The following RNF150 variants were observed in gnomAD, a reference collection of about 807,000 sequenced individuals.
The protein encoded by RNF150 is ring finger protein 150.
In RNF150, 24 loss-of-function variants were observed where a neutral mutation model predicts 39.3. The observed-to-expected ratio is 0.61, with a 90% CI of 0.44 to 0.86. The LOEUF (loss-of-function observed/expected upper bound fraction) is 0.86. RNF150 is among the 40% of genes least tolerant of loss of function. RNF150 has a pLI of 0.00. For missense variants in RNF150, 502 were observed against 587.8 expected, an observed-to-expected ratio of 0.85 and a Z score of 1.51; for synonymous variants, 255 against 227.3, an observed-to-expected ratio of 1.12 and a Z score of -1.10.
chr4:141,139,666 C>T (rs940759966), intron 1 of RNF150, among the ~76,000 whole-genome samples: 2 of 152,188 alleles, frequency 1.3e-5, no homozygotes, highest in African/African-American at 2.4e-5. Flanking sequence ...TACATGCAGG[C>T]ACTATTTGTT....
intron 6 of RNF150, among the ~76,000 whole-genome samples, chr4:140,891,974 C>A (rs890972068): frequency 4.6e-5 from 7 of 152,148 alleles, no homozygotes; most frequent in African/African-American, 1.7e-4. Flanking sequence ...CACCGTCCCC[C>A]CAACCACCTC....
intron 1 of RNF150, among the ~76,000 whole-genome samples, chr4:141,081,369 G>C (rs1738141916): frequency 6.6e-6 from 1 of 152,128 alleles, no homozygotes; most frequent in African/African-American, 2.4e-5. Context: ...ATAGAGAGCA[G>C]GAAATAAATG....
intron 1 of RNF150, among the ~76,000 whole-genome samples, chr4:140,997,913 G>C (rs1734442636): frequency 6.6e-6 from 1 of 152,126 alleles, no homozygotes; most frequent in Admixed American, 6.5e-5. Flanking sequence ...ATAGAGGAAT[G>C]AGAGGGAGAC....
intron 1 of RNF150, among the ~76,000 whole-genome samples, chr4:141,142,866 T>C (rs1339305830): frequency 1.3e-5 from 2 of 151,858 alleles, no homozygotes; most frequent in South Asian, 2.1e-4. Flanking sequence ...GGTATCTCTC[T>C]TTTTTCTCTT....
chr4:140,956,771 C>T (rs1207755804), intron 2 of RNF150, among the ~76,000 whole-genome samples: 1 of 152,224 alleles, frequency 6.6e-6, no homozygotes, highest in Non-Finnish European at 1.5e-5. Flanking sequence ...ACTACCTAAT[C>T]TTTGACAAAC....
chr4:140,981,342 C>T (rs748185262), intron 1 of RNF150, among the ~76,000 whole-genome samples: 256 of 152,200 alleles, frequency 1.7e-3, no homozygotes, highest in Admixed American at 2.8e-3. Flanking sequence ...GTTTCATATA[C>T]ACTTTATACA....
At chr4:141,081,514 C>A (rs115523456) in intron 1 of RNF150, among the ~76,000 whole-genome samples, 1,705 of 152,254 alleles carry the variant, frequency 0.011, 22 homozygotes, top group African/African-American at 0.039. Context: ...TGTTTGGCAG[C>A]TTTACATTTA....
intron 1 of RNF150, among the ~76,000 whole-genome samples, chr4:141,088,384 A>G (rs1181785656): frequency 6.6e-6 from 1 of 152,236 alleles, no homozygotes; most frequent in Non-Finnish European, 1.5e-5. Context: ...GTTAAAGCCA[A>G]CTTGAAGGAG....
intron 1 of RNF150, among the ~76,000 whole-genome samples, chr4:141,122,189 C>T (rs1258084715): frequency 6.6e-6 from 1 of 152,208 alleles, no homozygotes; most frequent in Non-Finnish European, 1.5e-5. Context: ...AGTTTCCTAA[C>T]TGCTGGTTCA....
chr4:141,076,691 C>T (rs1737908690), intron 1 of RNF150, among the ~76,000 whole-genome samples: 1 of 151,928 alleles, frequency 6.6e-6, no homozygotes, highest in South Asian at 2.1e-4. Flanking sequence ...TTCTATCAAA[C>T]TGACATAACC....
chr4:141,156,771 T>C (rs956510059), intron 1 of RNF150, among the ~76,000 whole-genome samples: 1 of 149,666 alleles, frequency 6.7e-6, no homozygotes, highest in Non-Finnish European at 1.5e-5. Flanking sequence ...ACCAGGTGTG[T>C]TGGCACATAC....
In RNF150 at chr4:140,967,652, G is replaced by A. The variant is rs755539095; in HGVS notation, c.706C>T (p.Arg236Ter). 8 of 1,610,008 alleles carry A rather than the reference G, an allele frequency of 5.0e-6. No homozygotes were observed. The highest frequency in any genetic ancestry group is 2.2e-5 in the East Asian group (1 of 44,794). The change falls in exon 2 of 7, where the codon CGA (arginine) becomes TGA (stop). Residue 236 changes from arginine (R) to a stop codon, truncating the protein, a stop_gained. Coordinates refer to ENST00000515673, the MANE Select transcript of RNF150 (RefSeq NM_020724.2). LOFTEE classifies it high-confidence loss of function. ...TTCCTATCCCTGGCATTTGCATATC[G>A]AAACCTCTGGATGTAATAAAAGACG... ...WLVFYYIQRF[R>*]YANARDRNQR...
At chr4:140,988,681 C>T (rs555389718) in intron 1 of RNF150, among the ~76,000 whole-genome samples, 2 of 146,698 alleles carry the variant, frequency 1.4e-5, no homozygotes, top group African/African-American at 5.1e-5. Context: ...ATAAATCATG[C>T]TGCTATAAAG....
intron 1 of RNF150, among the ~76,000 whole-genome samples, chr4:141,084,990 G>C (rs1738304808): frequency 6.6e-6 from 1 of 152,116 alleles, no homozygotes; most frequent in Admixed American, 6.6e-5. Context: ...CATAAAAATA[G>C]CTTGCTGTCT....
At chr4:140,970,975 C>T (rs921107664) in intron 1 of RNF150, among the ~76,000 whole-genome samples, 1 of 151,860 alleles carries the variant, frequency 6.6e-6, no homozygotes, top group African/African-American at 2.4e-5. Context: ...ATGTATTTAT[C>T]CTAATAGAAA....
At chr4:141,063,827 T>C (rs12498187) in intron 1 of RNF150, among the ~76,000 whole-genome samples, 66,452 of 152,042 alleles carry the variant, frequency 0.44, 16,758 homozygotes, top group Non-Finnish European at 0.58. Flanking sequence ...TGCATTTGTA[T>C]GCAGGTTATG....
rs1410986242 is a variant in RNF150 at position 140,998,606 on chromosome 4, C to G, written c.485-30733G>C. On this transcript the variant is annotated intron_variant, in intron 1 of 6. Transcript: ENST00000515673. ...CTTGTGGAGAAGCACAGTCCTCCAG[C>G]CAGAGATAAGCTGAGCTAAAGTGGG... 2.0e-5 allele frequency among the ~76,000 whole-genome samples: 3 copies of G among 152,186 alleles called. No individual in the cohort carries two copies. In the East Asian group the frequency reaches 5.8e-4, roughly 29 times the overall value.
intron 1 of RNF150, among the ~76,000 whole-genome samples, chr4:141,100,509 C>A (rs1738968697): frequency 6.6e-6 from 1 of 152,206 alleles, no homozygotes; most frequent in South Asian, 2.1e-4. Flanking sequence ...CACTTTCATT[C>A]TGTAGATTGA....
At chr4:140,980,773 A>G (rs922912815) in intron 1 of RNF150, among the ~76,000 whole-genome samples, 1 of 152,144 alleles carries the variant, frequency 6.6e-6, no homozygotes, top group African/African-American at 2.4e-5. Context: ...CCCCAGCCCT[A>G]TGGAACTGAG....
Sources: allele counts gnomAD v4.1 joint callset (sites outside exome capture counted in the v4.1 genomes callset), GRCh38; gene constraint gnomAD v4.1.1; transcripts MANE v1.5; gene names NCBI Gene and HGNC (gene_info 2026-07-23, HGNC 2026-07-21).